TANGO6: variants seen among roughly 807,000 people sequenced by gnomAD.
TANGO6 encodes transport and golgi organization 6 homolog.
TANGO6 carries 90 observed loss-of-function variants against 114.2 expected under a neutral mutation model. The ratio of observed to expected loss-of-function variants is 0.79; its 90% CI spans 0.66 to 0.94. TANGO6 has a LOEUF of 0.94. Among genes scored for constraint, TANGO6 ranks in the 40% least tolerant of loss-of-function variants. TANGO6 has a pLI of 0.00. For missense variants in TANGO6, 1,274 were observed against 1,315.3 expected (o/e 0.97, Z 0.49); for synonymous variants, 477 against 509.8 (o/e 0.94, Z 0.87).
At chr16:69,074,766 C>T (rs1960346322) in intron 17 of TANGO6, among the ~76,000 whole-genome samples, 1 of 151,604 alleles carries the variant, frequency 6.6e-6, no homozygotes, top group Non-Finnish European at 1.5e-5. Context: ...TTCCAGCTCT[C>T]ACTCAAAATG....
chr16:68,938,212 A>ACATG (rs2152200811), intron 14 of TANGO6, among the ~76,000 whole-genome samples: 1 of 152,366 alleles, frequency 6.6e-6, no homozygotes, highest in East Asian at 1.9e-4. Context: ...TTTGGTGCAT[A>ACATG]CATGCAGACC....
chr16:68,924,312 C>T (rs1045711011), intron 12 of TANGO6, among the ~76,000 whole-genome samples: 1 of 152,222 alleles, frequency 6.6e-6, no homozygotes, highest in Non-Finnish European at 1.5e-5. Context: ...CCTATAATCC[C>T]AGTGCTTTGG....
intron 17 of TANGO6, among the ~76,000 whole-genome samples, chr16:69,057,743 A>G (rs964697982): frequency 1.3e-5 from 2 of 152,156 alleles, no homozygotes; most frequent in Admixed American, 6.6e-5. Flanking sequence ...CTAGCCCAGG[A>G]GAATGATGAG....
intron 14 of TANGO6, among the ~76,000 whole-genome samples, chr16:68,966,518 TA>T (rs146421556): frequency 1.5e-3 from 226 of 151,830 alleles, no homozygotes; most frequent in African/African-American, 4.9e-3. Flanking sequence ...AAAAATAAAA[TA>T]AAATAAATAA....
At chr16:68,882,629 T>A (rs1020307551) in intron 7 of TANGO6, among the ~76,000 whole-genome samples, 1 of 152,214 alleles carries the variant, frequency 6.6e-6, no homozygotes, top group East Asian at 1.9e-4. Flanking sequence ...TGTGATGGTT[T>A]TGCAAATCTG....
chr16:68,974,690 AGTCTCCTTCCCTGGGAGCTGTGTTG>A (rs1963744923), intron 15 of TANGO6, among the ~76,000 whole-genome samples: 1 of 151,960 alleles, frequency 6.6e-6, no homozygotes, highest in Non-Finnish European at 1.5e-5. Context: ...AAAACTGCTT[AGTCTCCTTCCCTGGGAGCTGTGTTG>A]GGCCCTGATT....
intron 14 of TANGO6, among the ~76,000 whole-genome samples, chr16:68,953,544 A>G (rs1246122396): frequency 6.6e-6 from 1 of 152,154 alleles, no homozygotes; most frequent in Non-Finnish European, 1.5e-5. Flanking sequence ...AGGTGCTCTA[A>G]ATAAAAGGTA....
At chr16:68,978,749 G>A (rs951976118) in intron 15 of TANGO6, among the ~76,000 whole-genome samples, 4 of 151,768 alleles carry the variant, frequency 2.6e-5, no homozygotes, top group African/African-American at 7.2e-5. Flanking sequence ...CGGCCCACCC[G>A]TGGGAGCAGG....
At chr16:69,068,291 C>T (rs753822129) in intron 17 of TANGO6, among the ~76,000 whole-genome samples, 1 of 152,104 alleles carries the variant, frequency 6.6e-6, no homozygotes, top group Non-Finnish European at 1.5e-5. Context: ...CAGAGAGACT[C>T]TGTCTCAATA....
intron 1 of TANGO6, among the ~76,000 whole-genome samples, chr16:68,856,593 C>T (rs1961997939): frequency 1.3e-5 from 2 of 152,128 alleles, no homozygotes; most frequent in Admixed American, 1.3e-4. Flanking sequence ...CCATATACTC[C>T]CTTCCCTACC....
intron 15 of TANGO6, among the ~76,000 whole-genome samples, chr16:68,979,068 C>T (rs532746072): frequency 3.8e-4 from 58 of 151,396 alleles, no homozygotes; most frequent in Middle Eastern, 3.4e-3. Context: ...CACAGGTGTG[C>T]GCCACCATAC....
chr16:68,955,595 AAAAT>A (rs1219869699), intron 14 of TANGO6, among the ~76,000 whole-genome samples: 4 of 152,224 alleles, frequency 2.6e-5, no homozygotes, highest in African/African-American at 9.6e-5. Flanking sequence ...TGAAAATGTG[AAAAT>A]AAATTCAATT....
rs952789566 is a variant in TANGO6, at chr16:69,083,824, G to A, written c.*163G>A. 1.9e-5 allele frequency: 13 copies of A among 684,304 alleles called. 1 individual carries two copies. The highest frequency in any genetic ancestry group is 4.0e-5 in the South Asian group (2 of 50,570). 42.4% of individuals were successfully genotyped at this position (684,304 alleles called of 1,614,324 possible). A position where few individuals can be genotyped will look rare whatever the true frequency, so the allele number is the denominator to read the frequency against. On this transcript the variant is annotated 3_prime_UTR_variant, in exon 18 of 18. Transcript: ENST00000261778. ...CACTTGGGTCTTCAGGGTCCCTTCC[G>A]AGGGCATGTGTTCAGCACTCCCGCG...
intron 4 of TANGO6, among the ~76,000 whole-genome samples, chr16:68,869,966 C>T (rs1424640389): frequency 6.6e-6 from 1 of 152,102 alleles, no homozygotes; most frequent in Non-Finnish European, 1.5e-5. Context: ...TCAGGGAGGC[C>T]TGATAGGCTG....
chr16:69,018,654 T>C (rs1236263031), intron 15 of TANGO6, among the ~76,000 whole-genome samples: 1 of 151,052 alleles, frequency 6.6e-6, no homozygotes, highest in Non-Finnish European at 1.5e-5. Flanking sequence ...CCGGGCGCGG[T>C]GGCTCACGCC....
chr16:69,072,072 GAGAGGGAGAC>G (rs1960303964), intron 17 of TANGO6, among the ~76,000 whole-genome samples: 12 of 106,838 alleles, frequency 1.1e-4, no homozygotes, highest in South Asian at 3.2e-4. Context: ...TGTGTGTAGA[GAGAGGGAGAC>G]CGTGTGTGTG....
At chr16:68,977,665 T>C (rs1257479267) in intron 15 of TANGO6, among the ~76,000 whole-genome samples, 7 of 149,992 alleles carry the variant, frequency 4.7e-5, no homozygotes, top group African/African-American at 1.5e-4. Flanking sequence ...ATTTCACCAC[T>C]GCAACGCCAG....
At position 68,859,232 on chromosome 16, in the gene TANGO6, G is replaced by A. The variant is rs377371622; in HGVS notation, c.95-652G>A. Among the ~76,000 whole-genome samples, 39 of 152,032 alleles carry A rather than the reference G, an allele frequency of 2.6e-4. No homozygotes were observed. The South Asian group carries it at 7.3e-3, about 28-fold the overall frequency. The stretch of plus-strand genomic sequence containing the variant: ...GTCACCCAGGCTAGAGTGCGGTGGC[G>A]CAGTCTCAGCTCACTGCAGCCTCGA... On this transcript the variant is annotated intron_variant, in intron 1 of 17. Transcript: ENST00000261778.
At chr16:68,913,592 A>G (rs1189406155) in intron 11 of TANGO6, among the ~76,000 whole-genome samples, 1 of 151,628 alleles carries the variant, frequency 6.6e-6, no homozygotes, top group Non-Finnish European at 1.5e-5. Context: ...TATTTTTAGT[A>G]GAGATGGGGT....
Sources: gnomAD v4.1 joint callset for allele counts (sites outside exome capture counted in the v4.1 genomes callset) on GRCh38, gnomAD v4.1.1 for gene constraint, MANE v1.5 for transcripts, NCBI Gene and HGNC (gene_info 2026-07-23, HGNC 2026-07-21) for gene names.